Variants in GRSF1 observed in about 807,000 individuals in gnomAD.
GRSF1 encodes the protein G-rich RNA sequence binding factor 1.
Under a neutral mutation model 51.1 loss-of-function variants are expected in GRSF1, and 50 were observed. The ratio of observed to expected loss-of-function variants is 0.98; its 90% CI spans 0.78 to 1.24. The LOEUF (loss-of-function observed/expected upper bound fraction) is 1.24. Among genes scored for constraint, GRSF1 ranks in the 50% most tolerant of loss-of-function variants. The pLI is 0.00. For missense variants in GRSF1, 700 were observed against 639.7 expected (o/e 1.09, Z -1.02); for synonymous variants, 293 against 253.3 (o/e 1.16, Z -1.49).
At position 70,817,227 on chromosome 4, in the gene GRSF1, T is replaced by TC. The variant is rs1733348449; in HGVS notation, c.*3659dup. ...TTAAAATGAGCCTGCTTTTTTTTTT[T>TC]CTGAGACAGGGTCTCACTCTGTCAC... On this transcript the variant is annotated 3_prime_UTR_variant, in exon 10 of 10. Coordinates refer to ENST00000254799, the MANE Select transcript of GRSF1 (RefSeq NM_002092.4). The TC allele has an allele frequency of 6.6e-6, 1 of 152,032 alleles. No homozygotes were observed. Among genetic ancestry groups the TC allele is most frequent in the African/African-American group, 2.4e-5 (1 of 41,370 alleles). 9.4% of individuals were successfully genotyped at this position (152,032 alleles called of 1,614,324 possible). A position where few individuals can be genotyped will look rare whatever the true frequency, so the allele number is the denominator to read the frequency against.
intron 6 of GRSF1, among the ~76,000 whole-genome samples, chr4:70,826,536 G>GAAAAAAAAA (rs538242968): frequency 7.4e-6 from 1 of 135,114 alleles, no homozygotes. Flanking sequence ...TATAGGCACT[G>GAAAAAAAAA]AAAAAAAAAA....
chr4:70,822,925 T>A (rs1733579103), intron 9 of GRSF1, among the ~76,000 whole-genome samples: 1 of 151,692 alleles, frequency 6.6e-6, no homozygotes, highest in South Asian at 2.1e-4. Flanking sequence ...TGAAACCTCA[T>A]CTCTACTAAA....
In GRSF1 at chr4:70,830,818, G is replaced by A. The variant is rs530587123; in HGVS notation, c.950+721C>T. Among the ~76,000 whole-genome samples the A allele has an allele frequency of 1.5e-4, 22 of 150,054 alleles. No individual in the cohort carries two copies. The South Asian group carries it at 2.3e-3, about 16-fold the overall frequency. On this transcript the variant is annotated intron_variant, in intron 5 of 9. Coordinates refer to ENST00000254799, the MANE Select transcript of GRSF1 (RefSeq NM_002092.4). ...AGCCTAGGCGGCAGAGTGAAACTCC[G>A]TTGCCAAAAAAAAAAAGGCTATTTT...
Position 70,833,182 on chromosome 4 carries a change from T to C in GRSF1, c.606A>G (p.Ser202=). The C allele has an allele frequency of 6.2e-7, 1 of 1,613,986 alleles. No homozygotes were observed. Among genetic ancestry groups the C allele is most frequent in the Non-Finnish European group, 8.5e-7 (1 of 1,179,846 alleles). ...RRGDALIEME[S]EQDVQKALEK... is the part of the protein sequence containing the mutation. The stretch of plus-strand genomic sequence containing the variant: ...CTAAGGCTTTCTGCACATCCTGCTC[T>C]GACTCCATTTCAATTAAGGCATCAC... Residue 202 remains serine, a synonymous_variant, in exon 3 of 10, where the codon TCA becomes TCG. Transcript: ENST00000254799.
Position 70,839,844 on chromosome 4 carries a change from G to T in GRSF1, c.-17C>A, listed in dbSNP as rs945986463. On this transcript the variant is annotated 5_prime_UTR_variant, in exon 1 of 10. Coordinates refer to ENST00000254799, the MANE Select transcript of GRSF1 (RefSeq NM_002092.4). The stretch of plus-strand genomic sequence containing the variant: ...GCCGGCCATGGACTCCGGAGGCGGC[G>T]CAGGGCCTGAAGGCAGCTGCTCCAG... 6.8e-7 allele frequency: 1 copy of T among 1,479,574 alleles called. No homozygotes were observed. The highest frequency in any genetic ancestry group is 8.9e-7 in the Non-Finnish European group (1 of 1,123,540). The allele number at this position is 1,479,574 out of a possible 1,614,324, so 91.7% of individuals were successfully genotyped here. A position where few individuals can be genotyped will look rare whatever the true frequency, so the allele number is the denominator to read the frequency against.
intron 1 of GRSF1, 113 bp downstream of exon 1, chr4:70,839,358 G>A: frequency 6.6e-7 from 1 of 1,505,240 alleles, no homozygotes; most frequent in Non-Finnish European, 8.9e-7. Context: ...GGCGAGTGTC[G>A]CGGATCCCCG....
rs577909875 is a variant in GRSF1 at position 70,823,974 on chromosome 4, C to CTTTTTTTTTTTTTT, written c.*25+319_*25+320insAAAAAAAAAAAAAA. On this transcript the variant is annotated intron_variant, in intron 9 of 9. Transcript: ENST00000254799. The stretch of plus-strand genomic sequence containing the variant: ...AAATAATTTCCACAGTTGTATCTCT[C>CTTTTTTTTTTTTTT]TCTTTTTTTTTTTTTTTTTTGAGTC... Among the ~76,000 whole-genome samples the CTTTTTTTTTTTTTT allele has an allele frequency of 3.0e-5, 3 of 100,932 alleles. 1 individual carries two copies. The highest frequency in any genetic ancestry group is 7.2e-5 in the African/African-American group (2 of 27,614). 66.2% of individuals were successfully genotyped at this position (100,932 alleles called of 152,430 possible).
upstream of GRSF1, among the ~76,000 whole-genome samples, chr4:70,840,301 A>C (rs1734420626): frequency 6.6e-6 from 1 of 152,188 alleles, no homozygotes; most frequent in Non-Finnish European, 1.5e-5. Context: ...AGGCGGTGGA[A>C]ACTGAGGCCC....
Position 70,833,282 on chromosome 4 carries a change from G to A in GRSF1, c.515-9C>T. 4 of 1,610,080 alleles carry A rather than the reference G, an allele frequency of 2.5e-6. No homozygotes were observed. Among genetic ancestry groups the A allele is most frequent in the Non-Finnish European group, 3.4e-6 (4 of 1,177,994 alleles). On this transcript the variant is annotated splice_polypyrimidine_tract_variant and intron_variant, in intron 2 of 9. Transcript: ENST00000254799. ...GTTGCGGATTCTGCAGTCTAAAAGT[G>A]TATGAGCAAAATCAATTGAAAACAG... is the stretch of plus-strand genomic sequence containing the variant.
At chr4:70,821,270 A>C (rs1325688219) in intron 9 of GRSF1, among the ~76,000 whole-genome samples, 2 of 152,046 alleles carry the variant, frequency 1.3e-5, no homozygotes, top group Non-Finnish European at 2.9e-5. Flanking sequence ...CCACAAAAAT[A>C]AAAAATTAGC....
In GRSF1 at chr4:70,824,854, G is replaced by C. The variant is rs1344282028; in HGVS notation, c.1393+442C>G. 2.0e-5 allele frequency among the ~76,000 whole-genome samples: 3 copies of C among 152,102 alleles called. No individual in the cohort carries two copies. In the East Asian group the frequency reaches 5.8e-4, roughly 29 times the overall value. On this transcript the variant is annotated intron_variant, in intron 8 of 9. Coordinates refer to ENST00000254799, the MANE Select transcript of GRSF1 (RefSeq NM_002092.4). The stretch of plus-strand genomic sequence containing the variant: ...GCGGTGGCTCATGCCTGTAATCCCG[G>C]CACTTTGGGAGGTCGAGGCAGGTGG...
chr4:70,830,866 T>C (rs1437466842), intron 5 of GRSF1, among the ~76,000 whole-genome samples: 1 of 152,004 alleles, frequency 6.6e-6, no homozygotes, highest in Non-Finnish European at 1.5e-5. Context: ...GAAAATGCTA[T>C]TATGAACTGT....
intron 5 of GRSF1, 100 bp downstream of exon 5, chr4:70,831,439 C>CT (rs1286968760): frequency 2.3e-5 from 25 of 1,103,530 alleles, no homozygotes; most frequent in Non-Finnish European, 3.3e-5. Context: ...ACTCTCTCTA[C>CT]TTTTCTATGT....
At position 70,818,255 on chromosome 4, in the gene GRSF1, T is replaced by TG. The variant is rs955668327; in HGVS notation, c.*2631dup. Reference sequence around the variant, plus strand: ...TTCACTAAGTTGGCCAGGCTAATCTTGAACTCCTGACCTCAAGTGACCCAC... The same window carrying TG: ...TTCACTAAGTTGGCCAGGCTAATCTTGGAACTCCTGACCTCAAGTGACCCAC... On this transcript the variant is annotated 3_prime_UTR_variant, in exon 10 of 10. Transcript: ENST00000254799. 2 of 152,194 alleles carry TG rather than the reference T, an allele frequency of 1.3e-5. No homozygotes were observed. Among genetic ancestry groups the TG allele is most frequent in the African/African-American group, 4.8e-5 (2 of 41,458 alleles). 9.4% of individuals were successfully genotyped at this position (152,194 alleles called of 1,614,324 possible).
chr4:70,827,840 G>T lies in GRSF1; in HGVS notation c.1135+12C>A. On this transcript the variant is annotated intron_variant, in intron 6 of 9. Transcript: ENST00000254799. The stretch of plus-strand genomic sequence containing the variant: ...TAGACCCAATGAGTCTCAAGAAGAG[G>T]CAGGACCTTACCTATTTCCTTCTCA... The T allele has an allele frequency of 6.3e-7, 1 of 1,583,986 alleles. No individual in the cohort carries two copies. Among genetic ancestry groups the T allele is most frequent in the Non-Finnish European group, 8.6e-7 (1 of 1,158,020 alleles).
chr4:70,821,224 C>G (rs1178856434), intron 9 of GRSF1, among the ~76,000 whole-genome samples: 1 of 151,990 alleles, frequency 6.6e-6, no homozygotes. Flanking sequence ...GTCAGGAGTT[C>G]GAGACCAACC....
chr4:70,841,114 A>G (rs1254914275), upstream of GRSF1, among the ~76,000 whole-genome samples: 1 of 151,990 alleles, frequency 6.6e-6, no homozygotes, highest in East Asian at 1.9e-4. Context: ...TGGGCAACAT[A>G]GGGAGACCCC....
chr4:70,827,655 G>A (rs1578298387), intron 6 of GRSF1, among the ~76,000 whole-genome samples, 197 bp downstream of exon 6: 1 of 152,086 alleles, frequency 6.6e-6, no homozygotes, highest in African/African-American at 2.4e-5. Context: ...GCATGCGCCT[G>A]TAGTCCCAGC....
chr4:70,837,958 G>A (rs1352173698), intron 1 of GRSF1, among the ~76,000 whole-genome samples: 2 of 151,886 alleles, frequency 1.3e-5, no homozygotes, highest in South Asian at 4.1e-4. Flanking sequence ...TAGGCCGGGC[G>A]CGGTGGCTCA....
Sources: gnomAD v4.1 joint callset for allele counts (sites outside exome capture counted in the v4.1 genomes callset) on GRCh38, gnomAD v4.1.1 for gene constraint, MANE v1.5 for transcripts, NCBI Gene and HGNC (gene_info 2026-07-23, HGNC 2026-07-21) for gene names.